The following NLRC3 variants were observed in gnomAD, a reference collection of about 807,000 sequenced individuals.
The protein encoded by NLRC3 is NLR family CARD domain containing 3, also known as NLR family CARD domain-containing protein 3.
A neutral mutation model predicts 91.6 loss-of-function variants in NLRC3; 87 were observed. The observed-to-expected ratio is 0.95, with a 90% confidence interval of 0.80 to 1.14. NLRC3 has a LOEUF of 1.14. Ranked by LOEUF, NLRC3 falls within the 50% of genes most tolerant of loss-of-function variation. The pLI is 0.00. For synonymous variants in NLRC3, 694 were observed against 625.3 expected (o/e 1.11, Z -1.64); for missense variants, 1,577 against 1,418.6 (o/e 1.11, Z -1.79).
chr16:3,555,668 C>T (rs2039272665), intron 8 of NLRC3: 1 of 151,892 alleles, frequency 6.6e-6, no homozygotes, highest in African/African-American at 2.4e-5. Context: ...CTCCCGGGCT[C>T]AACTCAACCT....
At chr16:3,572,630 A>G (rs191803235) in intron 1 of NLRC3, among the ~76,000 whole-genome samples, 1 of 152,206 alleles carries the variant, frequency 6.6e-6, no homozygotes, top group East Asian at 1.9e-4. Context: ...AGTATAAATT[A>G]GTATAACAAT....
In NLRC3 at chr16:3,564,267, A is replaced by T; in HGVS notation, c.670T>A (p.Cys224Ser). 9 of 1,612,280 alleles carry T rather than the reference A, an allele frequency of 5.6e-6. No individual in the cohort carries two copies. Among genetic ancestry groups the T allele is most frequent in the Non-Finnish European group, 7.6e-6 (9 of 1,179,622 alleles). ...ALLILDGLDECRTPLDFSNTV... is the reference protein window; with the variant it reads ...ALLILDGLDESRTPLDFSNTV... ...TTGGAGAAGTCCAGAGGCGTCCTGCACTCATCCAAGCCGTCCAGGATCAGG... is the reference window on the plus strand; with the variant it reads ...TTGGAGAAGTCCAGAGGCGTCCTGCTCTCATCCAAGCCGTCCAGGATCAGG... The change falls in exon 5 of 20, where the codon TGC becomes AGC. Residue 224 changes from cysteine (C) to serine (S), a missense_variant. Physicochemically the swap from Cys to Ser is moderately radical, Grantham distance 112. Transcript: ENST00000359128. The surrounding 1 kb of genome is among the most constrained non-coding windows in gnomAD (Gnocchi z 5.9).
In NLRC3 at chr16:3,548,760, G is replaced by A. The variant is rs2038834273; in HGVS notation, c.2604-7C>T. ...GAGGAGGTTGGCTGTCAGGCTAGGA[G>A]GAAGGGAACAGGAGCAAGTGAGCCG... On this transcript the variant is annotated splice_region_variant and splice_polypyrimidine_tract_variant and intron_variant, in intron 13 of 19. Coordinates refer to ENST00000359128, the MANE Select transcript of NLRC3 (RefSeq NM_178844.4). 2 of 1,595,418 alleles carry A rather than the reference G, an allele frequency of 1.3e-6. No individual in the cohort carries two copies. Among genetic ancestry groups the A allele is most frequent in the South Asian group, 1.1e-5 (1 of 87,682 alleles).
rs1170250751 is a variant in NLRC3, at chr16:3,564,364, G to T, written c.573C>A (p.Asp191Glu). The change falls in exon 5 of 20, where the codon GAC becomes GAA. Residue 191 changes from aspartate to glutamate, a missense_variant. Asp to Glu is a conservative substitution (Grantham distance 45). Coordinates refer to ENST00000359128, the MANE Select transcript of NLRC3 (RefSeq NM_178844.4). The surrounding 1 kb of genome is among the most constrained non-coding windows in gnomAD (Gnocchi z 5.9). Reference protein sequence around the residue: ...DLNTHEKLCADRLICSVFPHV... With the variant: ...DLNTHEKLCAERLICSVFPHV... ...GCGGGAAGACCGAGCAGATGAGTCG[G>T]TCGGCACACAGCTTCTCGTGGGTGT... 1.2e-6 allele frequency: 2 copies of T among 1,612,166 alleles called. No individual in the cohort carries two copies. Among genetic ancestry groups the T allele is most frequent in the Non-Finnish European group, 1.7e-6 (2 of 1,179,802 alleles).
chr16:3,557,742 G>C, intron 6 of NLRC3, 66 bp from the exon 7 acceptor site: 1 of 997,420 alleles, frequency 1.0e-6, no homozygotes, highest in Non-Finnish European at 1.6e-6. Context: ...CTTCCTCAAC[G>C]CTGTGCCCGT....
intron 15 of NLRC3, among the ~76,000 whole-genome samples, chr16:3,546,622 GCA>G (rs1401082988): frequency 1.3e-5 from 2 of 152,166 alleles, no homozygotes; most frequent in Non-Finnish European, 2.9e-5. Flanking sequence ...TTTCTAGCTT[GCA>G]CAGTTGGTTC....
At position 3,566,551 on chromosome 16, in the gene NLRC3, C is replaced by A. The variant is rs992423786; in HGVS notation, c.-87+692G>T. ...GACCAGCCTGACCAACATGGAGAAA[C>A]CCCATCTCTATTAAATATACAAAAT... On this transcript the variant is annotated intron_variant, in intron 2 of 19. Transcript: ENST00000359128. 4.6e-5 allele frequency among the ~76,000 whole-genome samples: 7 copies of A among 152,048 alleles called. No individual in the cohort carries two copies. In the East Asian group the frequency reaches 1.2e-3, roughly 25 times the overall value.
chr16:3,567,771 C>CAA (rs774868671), intron 1 of NLRC3, among the ~76,000 whole-genome samples: 889 of 37,936 alleles, frequency 0.023, 97 homozygotes, highest in African/African-American at 0.056. Context: ...GACTCCATCT[C>CAA]AAAAAAAAAA....
In NLRC3 at chr16:3,564,666, G is replaced by A. The variant is rs1184992311; in HGVS notation, c.271C>T (p.Leu91=). ...AGGTCCGTCAGGCCCTCCACCAGCA[G>A]GAGGGAGGCCAGCCTGTGCCAGGGT... ...GGPWHRLASL[L]LVEGLTDLQL... The change falls in exon 5 of 20, where the codon CTG becomes TTG. Residue 91 remains leucine, a synonymous_variant. Transcript: ENST00000359128. The surrounding 1 kb of genome is among the most constrained non-coding windows in gnomAD (Gnocchi z 5.9). 1 of 1,605,108 alleles carries A rather than the reference G, an allele frequency of 6.2e-7. No homozygotes were observed.
intron 1 of NLRC3, among the ~76,000 whole-genome samples, chr16:3,575,740 C>A (rs945082935): frequency 6.9e-6 from 1 of 144,844 alleles, no homozygotes; most frequent in African/African-American, 2.9e-5. Context: ...CTGCCCATCA[C>A]CCGCCCACCT....
At position 3,540,799 on chromosome 16, in the gene NLRC3, A is replaced by T. The variant is rs1372775809; in HGVS notation, c.*1026T>A. Reference sequence around the variant, plus strand: ...GCCTGGGTGACAGATTCTGTCTCAAAAATAAATAAAGAATGACATCACTGA... The same window carrying T: ...GCCTGGGTGACAGATTCTGTCTCAATAATAAATAAAGAATGACATCACTGA... On this transcript the variant is annotated 3_prime_UTR_variant, in exon 20 of 20. Transcript: ENST00000359128. 1.3e-5 allele frequency: 2 copies of T among 151,806 alleles called. No homozygotes were observed. The highest frequency in any genetic ancestry group is 2.9e-5 in the Non-Finnish European group (2 of 67,874). 9.4% of individuals were successfully genotyped at this position (151,806 alleles called of 1,614,324 possible).
At position 3,552,265 on chromosome 16, in the gene NLRC3, C is replaced by G. The variant is rs367954536; in HGVS notation, c.2282G>C (p.Ser761Thr). Residue 761 changes from serine to threonine, a missense_variant, in exon 10 of 20, where the codon AGC becomes ACC. Ser to Thr is a moderately conservative substitution (Grantham distance 58). Transcript: ENST00000359128. The part of the protein sequence containing the change: ...TLSMLHLQKN[S>T]IGPMGAQRMA... ...CCGCTGGGCTCCCATGGGCCCGATGCTGTTCTTCTGCAGGCTGTGGGAGAA... is the reference window on the plus strand; with the variant it reads ...CCGCTGGGCTCCCATGGGCCCGATGGTGTTCTTCTGCAGGCTGTGGGAGAA... 1.1e-5 allele frequency: 18 copies of G among 1,612,828 alleles called. No homozygotes were observed. The African/African-American group carries it at 2.1e-4, about 19-fold the overall frequency.
rs1280614151 is a variant in NLRC3 at position 3,540,168 on chromosome 16, A to T, written c.*1657T>A. 3 of 152,340 alleles carry T rather than the reference A, an allele frequency of 2.0e-5. No individual in the cohort carries two copies. The highest frequency in any genetic ancestry group is 7.2e-5 in the African/African-American group (3 of 41,582). 9.4% of individuals were successfully genotyped at this position (152,340 alleles called of 1,614,324 possible). On this transcript the variant is annotated 3_prime_UTR_variant, in exon 20 of 20. Transcript: ENST00000359128. ...CCTTTTTCCCTTTGTAAATTAGGAT[A>T]TCACCTTTGTGGGGTGCCGTTTTGA... is the stretch of plus-strand genomic sequence containing the variant.
In NLRC3 at chr16:3,539,824, C is replaced by G. The variant is rs1225601974; in HGVS notation, c.*2001G>C. ...CAGACTTTTTCCTGCAGTCTAGGAT[C>G]CAGTCAGAGATCTTGCATTAAATTA... On this transcript the variant is annotated 3_prime_UTR_variant, in exon 20 of 20. Transcript: ENST00000359128. 1 of 152,196 alleles carries G rather than the reference C, an allele frequency of 6.6e-6. No individual in the cohort carries two copies. The highest frequency in any genetic ancestry group is 1.5e-5 in the Non-Finnish European group (1 of 68,036). The allele number at this position is 152,196 out of a possible 1,614,324, so 9.4% of individuals were successfully genotyped here.
At chr16:3,575,291 C>T (rs557404988) in intron 1 of NLRC3, among the ~76,000 whole-genome samples, 1 of 152,328 alleles carries the variant, frequency 6.6e-6, no homozygotes, top group East Asian at 1.9e-4. Flanking sequence ...CCACCGCTGC[C>T]AGGCCCTGCA....
At position 3,556,318 on chromosome 16, in the gene NLRC3, C is replaced by CAAAA. The variant is rs199528753; in HGVS notation, c.2183+589_2183+592dup. Among the ~76,000 whole-genome samples, 11 of 38,782 alleles carry CAAAA rather than the reference C, an allele frequency of 2.8e-4. 1 individual carries two copies. The highest frequency in any genetic ancestry group is 8.5e-4 in the Admixed American group (2 of 2,346). 25.4% of individuals were successfully genotyped at this position (38,782 alleles called of 152,430 possible). A position where few individuals can be genotyped will look rare whatever the true frequency, so the allele number is the denominator to read the frequency against. The stretch of plus-strand genomic sequence containing the variant: ...TGGGTGACAAAGAAAGAATCCGTCT[C>CAAAA]AAAAAAAAAAAAAAAAAAAAAAAAA... On this transcript the variant is annotated intron_variant, in intron 8 of 19. Transcript: ENST00000359128.
chr16:3,561,667 A>G (rs2039617549), intron 6 of NLRC3, 35 bp downstream of exon 6: 1 of 1,453,828 alleles, frequency 6.9e-7, no homozygotes, highest in South Asian at 1.1e-5. Flanking sequence ...CCACAAGACC[A>G]TAGGCACCCT....
chr16:3,568,872 G>C (rs1446992106), intron 1 of NLRC3, among the ~76,000 whole-genome samples: 2 of 152,148 alleles, frequency 1.3e-5, no homozygotes, highest in South Asian at 2.1e-4. Context: ...TTTGTATCTA[G>C]GTATTTTTAA....
intron 6 of NLRC3, among the ~76,000 whole-genome samples, chr16:3,558,391 C>G (rs1567138333): frequency 6.6e-6 from 1 of 152,044 alleles, no homozygotes; most frequent in African/African-American, 2.4e-5. Flanking sequence ...CTGCCACTTT[C>G]CATGGTATAA....
Sources: allele counts gnomAD v4.1 joint callset (sites outside exome capture counted in the v4.1 genomes callset), GRCh38; gene constraint gnomAD v4.1.1; non-coding constraint Gnocchi (gnomAD v3.1); transcripts MANE v1.5; gene names NCBI Gene and HGNC (gene_info 2026-07-23, HGNC 2026-07-21).